SRGAP3: variants seen among roughly 807,000 people sequenced by gnomAD.
SRGAP3 encodes SLIT-ROBO Rho GTPase activating protein 3.
SRGAP3 carries 39 observed loss-of-function variants against 121.1 expected under a neutral mutation model. The ratio of observed to expected loss-of-function variants is 0.32; its 90% CI spans 0.25 to 0.42. SRGAP3 has a LOEUF of 0.42. SRGAP3 is among the 10% of genes least tolerant of loss of function. The probability of loss-of-function intolerance (pLI) is 1.00; values close to 1 mark genes in which losing one functional copy is unlikely to be tolerated. For missense variants in SRGAP3, 1,213 were observed against 1,470.6 expected (o/e 0.82, Z 2.86); for synonymous variants, 601 against 570.0 (o/e 1.05, Z -0.77).
At chr3:9,122,235 A>C (rs1949033605) in intron 2 of SRGAP3, among the ~76,000 whole-genome samples, 1 of 152,208 alleles carries the variant, frequency 6.6e-6, no homozygotes, top group Non-Finnish European at 1.5e-5. Context: ...GGGACTATGA[A>C]TGATATTTTT....
intron 1 of SRGAP3, among the ~76,000 whole-genome samples, chr3:9,246,651 G>A (rs1953835570): frequency 6.6e-6 from 1 of 152,154 alleles, no homozygotes; most frequent in Non-Finnish European, 1.5e-5. Flanking sequence ...TGATGTCTGG[G>A]AGTTAGCCAT....
intron 3 of SRGAP3, among the ~76,000 whole-genome samples, chr3:9,261,739 G>T (rs1041131128): frequency 2.0e-5 from 3 of 151,982 alleles, no homozygotes; most frequent in Non-Finnish European, 4.4e-5. Flanking sequence ...GTACCTGAAA[G>T]TGACAGGGAG....
At chr3:9,022,123 T>C (rs1271353054) in intron 14 of SRGAP3, among the ~76,000 whole-genome samples, 2 of 152,172 alleles carry the variant, frequency 1.3e-5, no homozygotes, top group Non-Finnish European at 2.9e-5. Flanking sequence ...GGTCAGGAGA[T>C]GGAGACCATC....
intron 20 of SRGAP3, 133 bp from the exon 21 acceptor site, chr3:8,990,972 C>T: frequency 1.3e-6 from 1 of 741,540 alleles, no homozygotes; most frequent in Non-Finnish European, 2.1e-6. Context: ...CTCATTCAGC[C>T]AGACCCTACA....
chr3:9,184,240 C>T (rs189570352), intron 1 of SRGAP3, among the ~76,000 whole-genome samples: 81 of 152,196 alleles, frequency 5.3e-4, no homozygotes, highest in African/African-American at 1.6e-3. Context: ...TGGTGCTGCC[C>T]GGCACAGTCA....
chr3:8,996,418 T>C (rs775680817), intron 18 of SRGAP3, among the ~76,000 whole-genome samples: 6 of 152,222 alleles, frequency 3.9e-5, no homozygotes, highest in Non-Finnish European at 7.3e-5. Context: ...TGAGATGCAG[T>C]GGCTTTGGGA....
At chr3:9,153,775 A>G (rs943053500) in intron 1 of SRGAP3, among the ~76,000 whole-genome samples, 5 of 152,240 alleles carry the variant, frequency 3.3e-5, no homozygotes, top group African/African-American at 1.2e-4. Flanking sequence ...TACATTATAC[A>G]TATACATATG....
intron 3 of SRGAP3, among the ~76,000 whole-genome samples, chr3:9,093,511 G>A (rs2664075): frequency 0.47 from 70,563 of 150,566 alleles, 17,061 homozygotes; most frequent in African/African-American, 0.6. Context: ...TCATCCATCC[G>A]TTCATTCATC....
At chr3:9,223,106 G>A (rs1952867798) in intron 1 of SRGAP3, among the ~76,000 whole-genome samples, 1 of 152,184 alleles carries the variant, frequency 6.6e-6, no homozygotes, top group African/African-American at 2.4e-5. Context: ...CAGAACAGAG[G>A]TCAGCAAACT....
chr3:9,039,380 A>G (rs1349732477), intron 10 of SRGAP3, among the ~76,000 whole-genome samples: 2 of 152,148 alleles, frequency 1.3e-5, no homozygotes, highest in African/African-American at 4.8e-5. Flanking sequence ...TCTCTAAGTG[A>G]CCGCAAGTGC....
chr3:9,032,612 G>A (rs1349358615), intron 12 of SRGAP3, 38 bp downstream of exon 12: 1 of 1,576,446 alleles, frequency 6.3e-7, no homozygotes, highest in South Asian at 1.1e-5. Flanking sequence ...CCATTACATT[G>A]GGTGCATTCG....
In SRGAP3 at chr3:9,281,219, A is replaced by G. The variant is rs138262848; in HGVS notation, n.442+44791T>C. 2.2e-3 allele frequency among the ~76,000 whole-genome samples: 340 copies of G among 152,344 alleles called. 2 individuals carry two copies. Among genetic ancestry groups the G allele is most frequent in the Middle Eastern group, 0.02 (6 of 294 alleles). ...TATGAAAATTACAGTATCAGGCAGC[A>G]TGGCCAGCTTTTAAAGAACATCCTA... is the stretch of plus-strand genomic sequence containing the variant. On this transcript the variant is annotated intron_variant and non_coding_transcript_variant, in intron 3 of 3. Coordinates refer to the SRGAP3 transcript ENST00000490889.
chr3:9,127,724 G>T (rs1035981114), intron 1 of SRGAP3, among the ~76,000 whole-genome samples: 2 of 152,182 alleles, frequency 1.3e-5, no homozygotes, highest in Admixed American at 6.5e-5. Flanking sequence ...TGGGATTACA[G>T]GTGTGAGCCA....
chr3:9,271,984 C>T (rs7618964), intron 3 of SRGAP3, among the ~76,000 whole-genome samples: 106,980 of 152,132 alleles, frequency 0.7, 38,672 homozygotes, highest in East Asian at 0.93. Flanking sequence ...AAGACCACAA[C>T]GATCAAACTA....
intron 18 of SRGAP3, among the ~76,000 whole-genome samples, chr3:8,999,460 T>G (rs753595565): frequency 3.9e-5 from 6 of 152,120 alleles, no homozygotes; most frequent in Non-Finnish European, 8.8e-5. Flanking sequence ...TCCAGAGAAC[T>G]CTGTTATAGG....
intron 3 of SRGAP3, among the ~76,000 whole-genome samples, chr3:9,254,956 A>G (rs568038934): frequency 2.0e-5 from 3 of 150,462 alleles, no homozygotes; most frequent in Non-Finnish European, 4.4e-5. Flanking sequence ...AGAAAGAAAG[A>G]GAAAAGAAAG....
At chr3:8,988,605 C>G (rs1439021231) in intron 21 of SRGAP3, among the ~76,000 whole-genome samples, 2 of 152,162 alleles carry the variant, frequency 1.3e-5, no homozygotes, top group Non-Finnish European at 2.9e-5. Flanking sequence ...ATAAAGGTCA[C>G]AGAAGTCTGG....
At chr3:9,124,270 A>G (rs1038100071) in intron 2 of SRGAP3, among the ~76,000 whole-genome samples, 2 of 152,230 alleles carry the variant, frequency 1.3e-5, no homozygotes, top group Non-Finnish European at 2.9e-5. Flanking sequence ...ATGTTTGAGC[A>G]TCAATTCCAT....
chr3:9,091,686 A>G (rs1947763853), intron 3 of SRGAP3, among the ~76,000 whole-genome samples: 1 of 152,170 alleles, frequency 6.6e-6, no homozygotes, highest in Non-Finnish European at 1.5e-5. Flanking sequence ...GCTCACTCCC[A>G]TTCCTAGCCA....
Sources: allele counts gnomAD v4.1 joint callset (sites outside exome capture counted in the v4.1 genomes callset), GRCh38; gene constraint gnomAD v4.1.1; transcripts MANE v1.5; gene names NCBI Gene and HGNC (gene_info 2026-07-23, HGNC 2026-07-21).